BMP6: variants seen among roughly 807,000 people sequenced by gnomAD.
The protein encoded by BMP6 is VG-1-R.
A neutral mutation model predicts 54.1 loss-of-function variants in BMP6; 17 were observed. That is an observed-to-expected ratio of 0.31 (90% CI 0.22 to 0.47). The LOEUF is 0.47. Among genes scored for constraint, BMP6 ranks in the 20% least tolerant of loss-of-function variants. The probability of loss-of-function intolerance (pLI) is 1.00; values close to 1 mark genes in which losing one functional copy is unlikely to be tolerated. For missense variants in BMP6, 720 were observed against 690.4 expected, an observed-to-expected ratio of 1.04 and a Z score of -0.48; for synonymous variants, 328 against 291.2, an observed-to-expected ratio of 1.13 and a Z score of -1.28.
intron 1 of BMP6, among the ~76,000 whole-genome samples, chr6:7,797,596 A>G (rs1025196511): frequency 6.6e-6 from 1 of 152,160 alleles, no homozygotes; most frequent in Non-Finnish European, 1.5e-5. Context: ...ACATTTCATC[A>G]CACCACTGTT....
intron 1 of BMP6, among the ~76,000 whole-genome samples, chr6:7,735,167 G>A (rs75962410): frequency 2.0e-5 from 3 of 152,186 alleles, no homozygotes; most frequent in Non-Finnish European, 2.9e-5. Flanking sequence ...TATCCGCCAC[G>A]GGCCTTATTA....
chr6:7,832,271 A>G (rs1468431084), intron 1 of BMP6, among the ~76,000 whole-genome samples: 1 of 152,168 alleles, frequency 6.6e-6, no homozygotes, highest in Admixed American at 6.5e-5. Context: ...CTGCAAATTC[A>G]TATCTTGAAA....
chr6:7,767,207 CTCGT>C (rs1353274458), intron 1 of BMP6, among the ~76,000 whole-genome samples: 2 of 152,036 alleles, frequency 1.3e-5, no homozygotes, highest in African/African-American at 4.8e-5. Context: ...ATCTCCTGAC[CTCGT>C]GATCCACCCG....
At chr6:7,832,442 G>A (rs1254969089) in intron 1 of BMP6, among the ~76,000 whole-genome samples, 1 of 152,040 alleles carries the variant, frequency 6.6e-6, no homozygotes, top group East Asian at 1.9e-4. Context: ...ATGAACCAGG[G>A]AAGAGGCCCT....
chr6:7,760,458 C>T (rs1251133015), intron 1 of BMP6, among the ~76,000 whole-genome samples: 3 of 151,820 alleles, frequency 2.0e-5, no homozygotes, highest in South Asian at 4.2e-4. Context: ...CATAGTTTTA[C>T]TTATTTATTT....
intron 1 of BMP6, among the ~76,000 whole-genome samples, chr6:7,746,784 C>T (rs997590731): frequency 1.4e-4 from 21 of 152,178 alleles, no homozygotes; most frequent in Non-Finnish European, 1.6e-4. Flanking sequence ...ACGGTGCAGA[C>T]GGTATTCGCG....
intron 1 of BMP6, among the ~76,000 whole-genome samples, chr6:7,731,598 G>T (rs1761859979): frequency 6.6e-6 from 1 of 152,184 alleles, no homozygotes. Context: ...CTTTGAAAAG[G>T]CTGAATTAGT....
intron 1 of BMP6, among the ~76,000 whole-genome samples, chr6:7,821,058 G>A (rs1415460671): frequency 6.6e-6 from 1 of 152,254 alleles, no homozygotes; most frequent in Non-Finnish European, 1.5e-5. Context: ...CCTCGGGTCT[G>A]CAGCCCTGGG....
rs1029725614 is a variant in BMP6 at position 7,881,655 on chromosome 6, TAGG to T, written c.*1316_*1318del. ...AAGACTCTTGACAGTTGTGCTTCTC[TAGG>T]AGGTTGGGTTTTTTTAAAAAAAGAA... On this transcript the variant is annotated 3_prime_UTR_variant, in exon 7 of 7. Coordinates refer to ENST00000283147, the MANE Select transcript of BMP6 (RefSeq NM_001718.6). 4.6e-5 allele frequency: 7 copies of T among 152,140 alleles called. No individual in the cohort carries two copies. The highest frequency in any genetic ancestry group is 1.4e-4 in the African/African-American group (6 of 41,424). 9.4% of individuals were successfully genotyped at this position (152,140 alleles called of 1,614,324 possible).
chr6:7,869,497 T>G (rs1268637698), intron 4 of BMP6, among the ~76,000 whole-genome samples: 1 of 152,228 alleles, frequency 6.6e-6, no homozygotes, highest in Non-Finnish European at 1.5e-5. Flanking sequence ...GGGACATGGC[T>G]TCTGTGAGGA....
At chr6:7,769,926 T>A (rs1757757967) in intron 1 of BMP6, among the ~76,000 whole-genome samples, 1 of 152,204 alleles carries the variant, frequency 6.6e-6, no homozygotes, top group African/African-American at 2.4e-5. Flanking sequence ...TTTCTAATGT[T>A]GAGTCATTCT....
chr6:7,854,763 C>A (rs916320295), intron 2 of BMP6, among the ~76,000 whole-genome samples: 13 of 152,186 alleles, frequency 8.5e-5, no homozygotes, highest in African/African-American at 3.1e-4. Context: ...GCACTCCAGC[C>A]TGGGTGACAG....
intron 1 of BMP6, among the ~76,000 whole-genome samples, chr6:7,795,027 G>A (rs183125370): frequency 1.2e-5 from 1 of 81,958 alleles, no homozygotes; most frequent in East Asian, 8.4e-4. Context: ...AAACATTTAT[G>A]TTTTTCCAGT....
intron 1 of BMP6, among the ~76,000 whole-genome samples, chr6:7,774,596 T>G (rs1178964377): frequency 6.6e-6 from 1 of 151,824 alleles, no homozygotes; most frequent in Non-Finnish European, 1.5e-5. Flanking sequence ...CATTCCTTAG[T>G]CCTAGCTACT....
Position 7,764,657 on chromosome 6 carries a change from T to A in BMP6, c.664+37038T>A, listed in dbSNP as rs115382845. ...TCCCCAATTCTTTTTATTAAAAAAA[T>A]TTTTTTAGGGGCAGGGTCTCGCTAT... is the stretch of plus-strand genomic sequence containing the variant. On this transcript the variant is annotated intron_variant, in intron 1 of 6. Transcript: ENST00000283147. Among the ~76,000 whole-genome samples, 360 of 152,224 alleles carry A rather than the reference T, an allele frequency of 2.4e-3. 3 individuals are homozygous for A. Among genetic ancestry groups the A allele is most frequent in the African/African-American group, 8.3e-3 (344 of 41,542 alleles).
chr6:7,786,794 T>TG (rs538141861), intron 1 of BMP6, among the ~76,000 whole-genome samples: 138 of 152,284 alleles, frequency 9.1e-4, no homozygotes, highest in African/African-American at 3.2e-3. Context: ...AAAAGCCCCA[T>TG]GCAGGTGACT....
intron 4 of BMP6, among the ~76,000 whole-genome samples, chr6:7,877,537 C>T (rs762192317): frequency 1.3e-5 from 2 of 152,012 alleles, no homozygotes; most frequent in Non-Finnish European, 2.9e-5. Flanking sequence ...GCAGGAGAAT[C>T]GCTTGAACCC....
chr6:7,819,153 C>T (rs753910360), intron 1 of BMP6, among the ~76,000 whole-genome samples: 8 of 152,096 alleles, frequency 5.3e-5, no homozygotes, highest in Admixed American at 2.0e-4. Flanking sequence ...ACTGTTCACG[C>T]GTGCACATGT....
Position 7,844,316 on chromosome 6 carries a change from A to G in BMP6, c.665-824A>G, listed in dbSNP as rs193006546. Reference sequence around the variant, plus strand: ...CAATAGGTTGATTCCATATTAAAAAACCTTTTAGATTCTATCCTTTCCCCC... The same window carrying G: ...CAATAGGTTGATTCCATATTAAAAAGCCTTTTAGATTCTATCCTTTCCCCC... On this transcript the variant is annotated intron_variant, in intron 1 of 6. Transcript: ENST00000283147. Among the ~76,000 whole-genome samples the G allele has an allele frequency of 2.4e-4, 36 of 149,310 alleles. No homozygotes were observed. The East Asian group carries it at 5.1e-3, about 21-fold the overall frequency.
Sources: gnomAD v4.1 joint callset for allele counts (sites outside exome capture counted in the v4.1 genomes callset) on GRCh38, gnomAD v4.1.1 for gene constraint, MANE v1.5 for transcripts, NCBI Gene and HGNC (gene_info 2026-07-23, HGNC 2026-07-21) for gene names.